TOP1: variants seen among roughly 807,000 people sequenced by gnomAD.
The protein encoded by TOP1 is DNA topoisomerase 1.
Under a neutral mutation model 111.1 loss-of-function variants are expected in TOP1, and 10 were observed. The observed-to-expected ratio is 0.09, with a 90% confidence interval of 0.06 to 0.15. The LOEUF (loss-of-function observed/expected upper bound fraction) is 0.15, where lower values mean the gene tolerates loss of function less well. TOP1 is among the 10% of genes least tolerant of loss of function. TOP1 has a pLI of 1.00. For synonymous variants in TOP1, 271 were observed against 302.9 expected, an observed-to-expected ratio of 0.89 and a Z score of 1.10; for missense variants, 474 against 926.7, an observed-to-expected ratio of 0.51 and a Z score of 6.34.
intron 17 of TOP1, among the ~76,000 whole-genome samples, chr20:41,117,371 T>C (rs1191946288): frequency 6.8e-6 from 1 of 146,520 alleles, no homozygotes; most frequent in Non-Finnish European, 1.5e-5. Flanking sequence ...TACTACCAAC[T>C]GTGGCTTAAT....
intron 18 of TOP1, among the ~76,000 whole-genome samples, chr20:41,119,504 A>G (rs1216306357): frequency 1.3e-5 from 2 of 152,242 alleles, no homozygotes; most frequent in Non-Finnish European, 2.9e-5. Context: ...TATTGAAATT[A>G]TAGATTTTTT....
chr20:41,106,086 G>A lies in TOP1; in HGVS notation c.1308+4733G>A. 6.8e-6 allele frequency among the ~76,000 whole-genome samples: 1 copy of A among 147,672 alleles called. No individual in the cohort carries two copies. On this transcript the variant is annotated intron_variant, in intron 13 of 20. Coordinates refer to ENST00000361337, the MANE Select transcript of TOP1 (RefSeq NM_003286.4). The surrounding 1 kb of genome is among the most constrained non-coding windows in gnomAD (Gnocchi z 4.3). Reference sequence around the variant, plus strand: ...ATCCACTAGAATGTATTTTTGCATTGGGATGAAGTTGAAACCTAATATATT... The same window carrying A: ...ATCCACTAGAATGTATTTTTGCATTAGGATGAAGTTGAAACCTAATATATT...
intron 2 of TOP1, among the ~76,000 whole-genome samples, chr20:41,041,716 T>C (rs1415876793): frequency 6.6e-6 from 1 of 152,182 alleles, no homozygotes; most frequent in Non-Finnish European, 1.5e-5. Flanking sequence ...AAAATCTGCA[T>C]TTTTAATGTA....
Position 41,067,486 on chromosome 20 carries a change from T to G in TOP1, c.155+5996T>G, listed in dbSNP as rs2033622610. 6.6e-6 allele frequency among the ~76,000 whole-genome samples: 1 copy of G among 152,308 alleles called. No homozygotes were observed. Among genetic ancestry groups the G allele is most frequent in the South Asian group, 2.1e-4 (1 of 4,834 alleles). ...TCTGATCTTTTTAAATAGTTTAGGG[T>G]TTCTTCGATTTCTTCTGTAGCAGAT... On this transcript the variant is annotated intron_variant, in intron 3 of 20. Transcript: ENST00000361337. This position sits in a 1 kb window ranked among gnomAD's most constrained non-coding sequence, Gnocchi z 4.0.
At chr20:41,035,973 G>A (rs1600550855) in intron 2 of TOP1, among the ~76,000 whole-genome samples, 2 of 152,148 alleles carry the variant, frequency 1.3e-5, no homozygotes, top group East Asian at 1.9e-4. Context: ...GACTATGTGA[G>A]CTCTTGCCAA....
In TOP1 at chr20:41,123,951, T is replaced by C. The variant is rs2145975569; in HGVS notation, c.*654T>C. ...TCCTTTTTAAATGTGAATTTTTATT[T>C]CTTTTTAATTATTTTAAAATATTTA... On this transcript the variant is annotated 3_prime_UTR_variant, in exon 21 of 21. Coordinates refer to ENST00000361337, the MANE Select transcript of TOP1 (RefSeq NM_003286.4). The surrounding 1 kb of genome is among the most constrained non-coding windows in gnomAD (Gnocchi z 5.8). The C allele has an allele frequency of 4.3e-6, 1 of 232,412 alleles. No homozygotes were observed. Among genetic ancestry groups the C allele is most frequent in the Non-Finnish European group, 8.5e-6 (1 of 117,290 alleles). The allele number at this position is 232,412 out of a possible 1,614,324, so 14.4% of individuals were successfully genotyped here.
chr20:41,123,282 A>G lies in TOP1; in HGVS notation c.2283A>G (p.Glu761=), dbSNP rs1266237331. 7 of 1,613,142 alleles carry G rather than the reference A, an allele frequency of 4.3e-6. No homozygotes were observed. In the Admixed American group the frequency reaches 8.3e-5, roughly 19 times the overall value. ...CCTGGGCCATTGACATGGCTGATGAAGACTATGAGTTTTAGCCAGTCTCAA... is the reference window on the plus strand; with the variant it reads ...CCTGGGCCATTGACATGGCTGATGAGGACTATGAGTTTTAGCCAGTCTCAA... The part of the protein sequence containing the change: ...KFAWAIDMAD[E]DYEF The change falls in exon 21 of 21, where the codon GAA becomes GAG. Residue 761 remains glutamate, a synonymous_variant. Transcript: ENST00000361337. The surrounding 1 kb of genome is among the most constrained non-coding windows in gnomAD (Gnocchi z 5.8).
rs1447507245 is a variant in TOP1, at chr20:41,076,254, A to G, written c.239A>G (p.Lys80Arg). The change falls in exon 4 of 21, where the codon AAA becomes AGA. Residue 80 changes from lysine (K) to arginine (R), a missense_variant. Around this residue, in one of 14 missense-constraint regions of TOP1, gnomAD observed 185 missense variants for 226.3 expected, o/e 0.82. Coordinates refer to ENST00000361337, the MANE Select transcript of TOP1 (RefSeq NM_003286.4). Reference sequence around the variant, plus strand: ...GGAAGCTCAGAAAAGCATAAAGACAAACATAAAGACAGAGACAAGGAAAAA... The same window carrying G: ...GGAAGCTCAGAAAAGCATAAAGACAGACATAAAGACAGAGACAAGGAAAAA... The part of the protein sequence containing the change: ...KDGSSEKHKD[K>R]HKDRDKEKRK... 5.6e-5 allele frequency: 90 copies of G among 1,607,062 alleles called. No homozygotes were observed. The highest frequency in any genetic ancestry group is 7.6e-5 in the Non-Finnish European group (89 of 1,174,028).
At position 41,071,785 on chromosome 20, in the gene TOP1, A is replaced by G. The variant is rs2033671823; in HGVS notation, c.156-4386A>G. On this transcript the variant is annotated intron_variant, in intron 3 of 20. Coordinates refer to ENST00000361337, the MANE Select transcript of TOP1 (RefSeq NM_003286.4). The surrounding 1 kb of genome is among the most constrained non-coding windows in gnomAD (Gnocchi z 4.3). ...TTCTAGTCCCTGCTAGTGTGTTGGA[A>G]TCTTACCCCATACAGATGCAAACTA... Among the ~76,000 whole-genome samples, 1 of 152,308 alleles carries G rather than the reference A, an allele frequency of 6.6e-6. No individual in the cohort carries two copies. The highest frequency in any genetic ancestry group is 1.9e-4 in the East Asian group (1 of 5,178).
intron 2 of TOP1, among the ~76,000 whole-genome samples, chr20:41,039,631 C>T (rs1285177334): frequency 6.6e-6 from 1 of 152,140 alleles, no homozygotes; most frequent in Admixed American, 6.5e-5. Context: ...TTCAGCTGGG[C>T]TTGGTAATGG....
intron 9 of TOP1, among the ~76,000 whole-genome samples, chr20:41,096,564 G>A (rs1323897351): frequency 1.3e-5 from 2 of 152,186 alleles, no homozygotes; most frequent in African/African-American, 4.8e-5. Flanking sequence ...AGGTCTAGGA[G>A]GGGGCCTGGG....
rs1054573653 is a variant in TOP1, at chr20:41,095,778, A to C, written c.731-1442A>C. Among the ~76,000 whole-genome samples the C allele has an allele frequency of 3.3e-5, 5 of 152,204 alleles. No homozygotes were observed. The highest frequency in any genetic ancestry group is 5.9e-5 in the Non-Finnish European group (4 of 68,034). On this transcript the variant is annotated intron_variant, in intron 9 of 20. Transcript: ENST00000361337. This position sits in a 1 kb window ranked among gnomAD's most constrained non-coding sequence, Gnocchi z 4.6. ...CTTGGTGAATTATTAATACCTGTGT[A>C]ATAGTAAGGTGGTGGAATTATAGTT...
At chr20:41,099,117 A>G (rs2034023186) in intron 11 of TOP1, among the ~76,000 whole-genome samples, 1 of 152,232 alleles carries the variant, frequency 6.6e-6, no homozygotes, top group Admixed American at 6.5e-5. Flanking sequence ...TAGTTTCAGT[A>G]TTTTAAAGGA....
intron 2 of TOP1, among the ~76,000 whole-genome samples, chr20:41,059,543 G>A (rs1038336301): frequency 1.3e-5 from 2 of 151,808 alleles, no homozygotes; most frequent in Non-Finnish European, 2.9e-5. Flanking sequence ...GAGTTCGAGA[G>A]GAGCCTGCGT....
At position 41,124,401 on chromosome 20, in the gene TOP1, T is replaced by G; in HGVS notation, c.*1104T>G. 1 of 233,278 alleles carries G rather than the reference T, an allele frequency of 4.3e-6. No individual in the cohort carries two copies. Among genetic ancestry groups the G allele is most frequent in the East Asian group, 6.1e-5 (1 of 16,518 alleles). 14.5% of individuals were successfully genotyped at this position (233,278 alleles called of 1,614,324 possible). On this transcript the variant is annotated 3_prime_UTR_variant, in exon 21 of 21. Coordinates refer to ENST00000361337, the MANE Select transcript of TOP1 (RefSeq NM_003286.4). This position sits in a 1 kb window ranked among gnomAD's most constrained non-coding sequence, Gnocchi z 5.4. ...TGTGCAGAGTCCATTTCCCACATCT[T>G]TCCTCAAGTATCTTCTATTTTTATC...
intron 8 of TOP1, among the ~76,000 whole-genome samples, chr20:41,089,581 C>T (rs1174337788): frequency 6.6e-6 from 1 of 152,166 alleles, no homozygotes; most frequent in Non-Finnish European, 1.5e-5. Flanking sequence ...TTATTTCTGC[C>T]TTTGGCTGTT....
intron 8 of TOP1, among the ~76,000 whole-genome samples, chr20:41,085,450 G>A (rs2033836680): frequency 1.3e-5 from 2 of 152,208 alleles, no homozygotes; most frequent in South Asian, 4.1e-4. Flanking sequence ...GTGTATTTAG[G>A]TGGAGAACTT....
At position 41,121,617 on chromosome 20, in the gene TOP1, TA is replaced by T. The variant is rs2034423819; in HGVS notation, c.1951-77del. On this transcript the variant is annotated intron_variant, in intron 18 of 20. Transcript: ENST00000361337. The surrounding 1 kb of genome is among the most constrained non-coding windows in gnomAD (Gnocchi z 4.2). Reference sequence around the variant, plus strand: ...ACTGACAGAGACAGCCTGGTCCAGATAACATCTTGGTTTCACCTTCTCAGGT... The same window carrying T: ...ACTGACAGAGACAGCCTGGTCCAGATACATCTTGGTTTCACCTTCTCAGGT... 9.1e-7 allele frequency: 1 copy of T among 1,102,754 alleles called. No individual in the cohort carries two copies. Among genetic ancestry groups the T allele is most frequent in the Admixed American group, 1.7e-5 (1 of 58,576 alleles). 68.3% of individuals were successfully genotyped at this position (1,102,754 alleles called of 1,614,324 possible). A position where few individuals can be genotyped will look rare whatever the true frequency, so the allele number is the denominator to read the frequency against.
At chr20:41,074,732 G>T (rs1413968874) in intron 3 of TOP1, among the ~76,000 whole-genome samples, 1 of 152,152 alleles carries the variant, frequency 6.6e-6, no homozygotes, top group Admixed American at 6.5e-5. Context: ...CTGTAGTCAA[G>T]TGTCCCTTTA....
Sources: gnomAD v4.1 joint callset for allele counts (sites outside exome capture counted in the v4.1 genomes callset) on GRCh38, gnomAD v4.1.1 for gene constraint, gnomAD v4.1.1 regional missense constraint, Gnocchi (gnomAD v3.1) non-coding constraint, MANE v1.5 for transcripts, NCBI Gene and HGNC (gene_info 2026-07-23, HGNC 2026-07-21) for gene names.